CCDC88A: variants seen among roughly 807,000 people sequenced by gnomAD.
CCDC88A encodes girdin.
Under a neutral mutation model 234.3 loss-of-function variants are expected in CCDC88A, and 54 were observed. The ratio of observed to expected loss-of-function variants is 0.23; its 90% confidence interval spans 0.19 to 0.29. The LOEUF (loss-of-function observed/expected upper bound fraction) is 0.29. Among genes scored for constraint, CCDC88A ranks in the 10% least tolerant of loss-of-function variants. CCDC88A has a pLI of 1.00. For synonymous variants in CCDC88A, 753 were observed against 737.8 expected (o/e 1.02, Z -0.33); for missense variants, 1,832 against 2,123.4 (o/e 0.86, Z 2.70).
chr2:55,357,833 T>G (rs917313075), intron 7 of CCDC88A, among the ~76,000 whole-genome samples: 1 of 152,206 alleles, frequency 6.6e-6, no homozygotes, highest in Non-Finnish European at 1.5e-5. Context: ...GATTCCAGTA[T>G]GTCTGTTGAT....
chr2:55,289,614 A>T lies in CCDC88A; in HGVS notation c.*1586T>A, dbSNP rs1251984898. The T allele has an allele frequency of 6.6e-6, 1 of 152,192 alleles. No individual in the cohort carries two copies. The highest frequency in any genetic ancestry group is 1.5e-5 in the Non-Finnish European group (1 of 68,010). 9.4% of individuals were successfully genotyped at this position (152,192 alleles called of 1,614,324 possible). On this transcript the variant is annotated 3_prime_UTR_variant, in exon 33 of 33. Transcript: ENST00000436346. ...TTAACAGCATTTGGTGGTAAAACCT[A>T]AGTTACCGGTGGCATTGAAGTACGT...
At chr2:55,355,468 C>CACATAT (rs1670447614) in intron 8 of CCDC88A, 111 bp downstream of exon 8, 11 of 898,282 alleles carry the variant, frequency 1.2e-5, no homozygotes, top group Middle Eastern at 4.4e-4. Context: ...TTCTCATTTA[C>CACATAT]TTGTGAAAAC....
In CCDC88A at chr2:55,317,661, G is replaced by A. The variant is rs1176588295; in HGVS notation, c.3505C>T (p.Arg1169Cys). ...AGAGATTCATACTCTGAAGCCTGAC[G>A]TTCATGAAGAAGTTCCAGCTTTTCA... ...DHEKLELLHE[R>C]QASEYESLIS... Residue 1169 changes from arginine (R) to cysteine (C), a missense_variant, in exon 20 of 33, where the codon CGT becomes TGT. Arg to Cys is a radical substitution (Grantham distance 180). Around this residue, in one of 6 missense-constraint regions of CCDC88A, gnomAD observed 1,282 missense variants for 1,543.6 expected, o/e 0.83. Coordinates refer to ENST00000436346, the MANE Select transcript of CCDC88A (RefSeq NM_001365480.1). This position sits in a 1 kb window ranked among gnomAD's most constrained non-coding sequence, Gnocchi z 4.2. The A allele has an allele frequency of 6.2e-6, 10 of 1,613,034 alleles. No homozygotes were observed. The highest frequency in any genetic ancestry group is 1.3e-5 in the African/African-American group (1 of 74,846).
chr2:55,332,723 T>C lies in CCDC88A; in HGVS notation c.2728-30A>G, dbSNP rs1301131444. 1.2e-6 allele frequency: 2 copies of C among 1,604,928 alleles called. No individual in the cohort carries two copies. The highest frequency in any genetic ancestry group is 2.3e-5 in the East Asian group (1 of 44,412). ...TTTTAAAAGAAATGCAAAACTCACC[T>C]AAGTGTCAAGGGTATAAACATCTAA... On this transcript the variant is annotated intron_variant, in intron 15 of 32. Coordinates refer to ENST00000436346, the MANE Select transcript of CCDC88A (RefSeq NM_001365480.1). This position sits in a 1 kb window ranked among gnomAD's most constrained non-coding sequence, Gnocchi z 4.5.
chr2:55,343,892 AG>A, intron 11 of CCDC88A, 100 bp from the exon 12 acceptor site: 1 of 1,000,262 alleles, frequency 1.0e-6, no homozygotes, highest in Non-Finnish European at 1.4e-6. Context: ...TCAGAAACTC[AG>A]TAATAATTAT....
intron 2 of CCDC88A, among the ~76,000 whole-genome samples, chr2:55,408,871 A>G (rs1477283141): frequency 6.6e-6 from 1 of 152,086 alleles, no homozygotes; most frequent in Non-Finnish European, 1.5e-5. Flanking sequence ...TTACTCTGTA[A>G]GTTCCTCCTG....
chr2:55,400,883 A>G (rs1264220157), intron 2 of CCDC88A, among the ~76,000 whole-genome samples: 1 of 152,220 alleles, frequency 6.6e-6, no homozygotes, highest in African/African-American at 2.4e-5. Context: ...TTTTGAGATA[A>G]TTTATAAAAT....
At chr2:55,373,409 T>TAG (rs1673122866) in intron 4 of CCDC88A, among the ~76,000 whole-genome samples, 2 of 152,194 alleles carry the variant, frequency 1.3e-5, no homozygotes, top group African/African-American at 4.8e-5. Flanking sequence ...GCACAGCTCT[T>TAG]ATCATCTCTG....
At chr2:55,341,426 C>CTGCA (rs1286147857) in intron 12 of CCDC88A, among the ~76,000 whole-genome samples, 3 of 148,826 alleles carry the variant, frequency 2.0e-5, no homozygotes, top group African/African-American at 5.0e-5. Flanking sequence ...GTGTGAGCCA[C>CTGCA]CATGCCCGGC....
intron 25 of CCDC88A, among the ~76,000 whole-genome samples, chr2:55,306,514 A>G (rs1050872568): frequency 3.9e-5 from 6 of 152,086 alleles, no homozygotes; most frequent in African/African-American, 1.4e-4. Flanking sequence ...AGTGTGTATG[A>G]CTTTTTACGT....
chr2:55,302,180 G>T, intron 26 of CCDC88A, 108 bp from the exon 27 acceptor site: 1 of 809,752 alleles, frequency 1.2e-6, no homozygotes. Flanking sequence ...AATGCAAATG[G>T]ACATAAAAAA....
intron 2 of CCDC88A, among the ~76,000 whole-genome samples, chr2:55,402,710 TAA>T (rs1480788368): frequency 2.2e-5 from 1 of 46,438 alleles, no homozygotes; most frequent in African/African-American, 5.8e-5. Context: ...TATTACTATT[TAA>T]AAAAAAAAAA....
At chr2:55,299,132 A>G (rs1403938838) in intron 29 of CCDC88A, among the ~76,000 whole-genome samples, 1 of 149,472 alleles carries the variant, frequency 6.7e-6, no homozygotes, top group East Asian at 1.9e-4. Flanking sequence ...TGAACCTGGG[A>G]GGTGGAGGTT....
intron 12 of CCDC88A, among the ~76,000 whole-genome samples, chr2:55,341,835 A>T (rs183316481): frequency 6.6e-6 from 1 of 152,304 alleles, no homozygotes; most frequent in Non-Finnish European, 1.5e-5. Context: ...ACACAGGTTG[A>T]TTCCATATCT....
intron 7 of CCDC88A, chr2:55,361,874 G>A (rs1671369222): frequency 6.5e-6 from 1 of 152,674 alleles, no homozygotes; most frequent in Admixed American, 6.5e-5. Flanking sequence ...ATTTTATTCA[G>A]AACACCTGTT....
chr2:55,419,059 A>C lies in CCDC88A; in HGVS notation c.21T>G (p.Thr7=). 1 of 1,612,980 alleles carries C rather than the reference A, an allele frequency of 6.2e-7. No homozygotes were observed. Among genetic ancestry groups the C allele is most frequent in the Non-Finnish European group, 8.5e-7 (1 of 1,178,978 alleles). Residue 7 remains threonine, a synonymous_variant, in exon 1 of 33, where the codon ACT becomes ACG. Transcript: ENST00000436346. MENEIF[T]PLLEQFMTSP... Reference sequence around the variant, plus strand: ...TGGTCATGAACTGCTCCAGAAGGGGAGTAAAAATTTCGTTCTCCATTTTAC... The same window carrying C: ...TGGTCATGAACTGCTCCAGAAGGGGCGTAAAAATTTCGTTCTCCATTTTAC...
At chr2:55,342,120 T>C (rs530601693) in intron 12 of CCDC88A, among the ~76,000 whole-genome samples, 2 of 152,294 alleles carry the variant, frequency 1.3e-5, no homozygotes, top group South Asian at 4.1e-4. Context: ...ACTTCTAAGA[T>C]AGTTTTAACT....
chr2:55,335,794 G>C lies in CCDC88A; in HGVS notation c.1657-630C>G, dbSNP rs1685403379. Among the ~76,000 whole-genome samples, 1 of 152,150 alleles carries C rather than the reference G, an allele frequency of 6.6e-6. No homozygotes were observed. Among genetic ancestry groups the C allele is most frequent in the Admixed American group, 6.5e-5 (1 of 15,276 alleles). On this transcript the variant is annotated intron_variant, in intron 14 of 32. Coordinates refer to ENST00000436346, the MANE Select transcript of CCDC88A (RefSeq NM_001365480.1). This position sits in a 1 kb window ranked among gnomAD's most constrained non-coding sequence, Gnocchi z 4.5. ...CAACAAGCTTGGAAAAATGAAGATTGAAGCTTAGTCTAGAATTTTGGTTCT... is the reference window on the plus strand; with the variant it reads ...CAACAAGCTTGGAAAAATGAAGATTCAAGCTTAGTCTAGAATTTTGGTTCT...
chr2:55,325,658 T>G (rs1342290165), intron 17 of CCDC88A, among the ~76,000 whole-genome samples: 1 of 152,198 alleles, frequency 6.6e-6, no homozygotes, highest in Non-Finnish European at 1.5e-5. Flanking sequence ...GCCCTTTATC[T>G]GGTAGATGAA....
Sources: gnomAD v4.1 joint callset for allele counts (sites outside exome capture counted in the v4.1 genomes callset) on GRCh38, gnomAD v4.1.1 for gene constraint, gnomAD v4.1.1 regional missense constraint, Gnocchi (gnomAD v3.1) non-coding constraint, MANE v1.5 for transcripts, NCBI Gene and HGNC (gene_info 2026-07-23, HGNC 2026-07-21) for gene names.